Variants in PTPRU observed in about 807,000 individuals in gnomAD.
PTPRU encodes receptor-type tyrosine-protein phosphatase U.
PTPRU carries 69 observed loss-of-function variants against 166.3 expected under a neutral mutation model. That is an observed-to-expected ratio of 0.41 (90% CI 0.34 to 0.51). The LOEUF (loss-of-function observed/expected upper bound fraction) is 0.51, where lower values mean the gene tolerates loss of function less well. PTPRU is among the 20% of genes least tolerant of loss of function. The pLI is 0.09. For synonymous variants in PTPRU, 793 were observed against 814.0 expected, an observed-to-expected ratio of 0.97 and a Z score of 0.44; for missense variants, 1,657 against 2,013.7, an observed-to-expected ratio of 0.82 and a Z score of 3.39.
intron 11 of PTPRU, 73 bp from the exon 12 acceptor site, chr1:29,282,603 C>T: frequency 6.6e-7 from 1 of 1,519,808 alleles, no homozygotes; most frequent in Non-Finnish European, 8.8e-7. Flanking sequence ...AAAGCCCATG[C>T]CTTTAACTGC....
At chr1:29,304,935 G>T in intron 17 of PTPRU, 86 bp downstream of exon 17, 1 of 1,309,168 alleles carries the variant, frequency 7.6e-7, no homozygotes, top group Non-Finnish European at 1.1e-6. Flanking sequence ...AGCTGGGGCA[G>T]CCTCAGAGAT....
chr1:29,321,250 G>A (rs895388056), intron 26 of PTPRU, among the ~76,000 whole-genome samples: 7 of 144,960 alleles, frequency 4.8e-5, no homozygotes, highest in Non-Finnish European at 6.0e-5. Flanking sequence ...TGTGTTGCCT[G>A]GACTGGTCTC....
At chr1:29,324,001 A>G (rs1202537654) in intron 28 of PTPRU, among the ~76,000 whole-genome samples, 1 of 152,216 alleles carries the variant, frequency 6.6e-6, no homozygotes, top group Non-Finnish European at 1.5e-5. Flanking sequence ...AGCCCTGAAC[A>G]ACTGCCCAGT....
chr1:29,275,684 G>T lies in PTPRU; in HGVS notation c.1381G>T (p.Val461Leu), dbSNP rs759884380. 1 of 1,614,176 alleles carries T rather than the reference G, an allele frequency of 6.2e-7. No homozygotes were observed. The highest frequency in any genetic ancestry group is 8.5e-7 in the Non-Finnish European group (1 of 1,180,034). The change falls in exon 8 of 30, where the codon GTG becomes TTG. Residue 461 changes from valine to leucine, a missense_variant. Around this residue, in one of 3 missense-constraint regions of PTPRU, gnomAD observed 1,190 missense variants for 1,477.4 expected, o/e 0.81. Coordinates refer to ENST00000373779, the MANE Select transcript of PTPRU (RefSeq NM_133178.4). The stretch of plus-strand genomic sequence containing the variant: ...CCTGCTGCCCTATCGGAACGTTCAC[G>T]TGAGGCTTGTCCTCACTAACCCTGA... ...KNLLPYRNVH[V>L]RLVLTNPEGR...
rs1055953111 is a variant in PTPRU, at chr1:29,251,256, G to GA, written c.74-4007dup. 3.5e-3 allele frequency among the ~76,000 whole-genome samples: 488 copies of GA among 138,626 alleles called. 2 individuals carry two copies. Among genetic ancestry groups the GA allele is most frequent in the African/African-American group, 0.011 (412 of 37,854 alleles). The allele number at this position is 138,626 out of a possible 152,430, so 90.9% of individuals were successfully genotyped here. A position where few individuals can be genotyped will look rare whatever the true frequency, so the allele number is the denominator to read the frequency against. ...AACAGAATGAGACTCTATCTCAAAA[G>GA]AAAAAAAAAAAAGGAATCACTCTGG... On this transcript the variant is annotated intron_variant, in intron 1 of 29. Transcript: ENST00000373779.
chr1:29,318,493 T>A (rs985383836), intron 25 of PTPRU, among the ~76,000 whole-genome samples: 1 of 152,224 alleles, frequency 6.6e-6, no homozygotes, highest in African/African-American at 2.4e-5. Flanking sequence ...CCCTGCTAAA[T>A]GGCTCCAAGA....
chr1:29,253,617 T>TA (rs1044239702), intron 1 of PTPRU, among the ~76,000 whole-genome samples: 4 of 151,858 alleles, frequency 2.6e-5, no homozygotes, highest in Non-Finnish European at 1.5e-5. Flanking sequence ...GCCATTACTT[T>TA]AAAAAAATGG....
At chr1:29,299,378 T>A (rs1412368247) in intron 15 of PTPRU, among the ~76,000 whole-genome samples, 2 of 151,944 alleles carry the variant, frequency 1.3e-5, no homozygotes, top group African/African-American at 4.8e-5. Flanking sequence ...TGGGGTGGGG[T>A]AGGAAGTGTG....
chr1:29,323,878 C>T, intron 28 of PTPRU, 90 bp downstream of exon 28: 1 of 1,442,084 alleles, frequency 6.9e-7, no homozygotes, highest in Non-Finnish European at 9.3e-7. Flanking sequence ...TTTGGCTGGA[C>T]TGCAAAGCTG....
intron 13 of PTPRU, 89 bp downstream of exon 13, chr1:29,284,065 T>C: frequency 6.5e-7 from 1 of 1,530,564 alleles, no homozygotes; most frequent in Non-Finnish European, 9.0e-7. Context: ...CCTACGGCTG[T>C]GGGAGTAGAG....
chr1:29,311,474 T>C lies in PTPRU; in HGVS notation c.2876T>C (p.Val959Ala). The change falls in exon 20 of 30, where the codon GTC (valine) becomes GCC (alanine). Residue 959 changes from valine to alanine, a missense_variant. Val to Ala is a moderately conservative substitution (Grantham distance 64, BLOSUM62 0). Around this residue, in one of 3 missense-constraint regions of PTPRU, gnomAD observed 1,190 missense variants for 1,477.4 expected, o/e 0.81. Coordinates refer to ENST00000373779, the MANE Select transcript of PTPRU (RefSeq NM_133178.4). The surrounding 1 kb of genome is among the most constrained non-coding windows in gnomAD (Gnocchi z 4.1). The part of the protein sequence containing the change: ...IATQGPKPEM[V>A]YDFWRMVWQE... The stretch of plus-strand genomic sequence containing the variant: ...TCCCCAGGGCCGAAGCCTGAGATGG[T>C]CTATGACTTCTGGCGTATGGTGTGG... The C allele has an allele frequency of 6.2e-7, 1 of 1,614,120 alleles. No individual in the cohort carries two copies. Among genetic ancestry groups the C allele is most frequent in the Admixed American group, 1.7e-5 (1 of 60,026 alleles).
chr1:29,283,297 T>A (rs2151954224), intron 12 of PTPRU, among the ~76,000 whole-genome samples: 1 of 129,436 alleles, frequency 7.7e-6, no homozygotes, highest in African/African-American at 3.0e-5. Flanking sequence ...CCTCCCAGAG[T>A]CCGTCCCATA....
intron 1 of PTPRU, among the ~76,000 whole-genome samples, chr1:29,247,932 G>T (rs1684372359): frequency 6.6e-6 from 1 of 152,216 alleles, no homozygotes; most frequent in South Asian, 2.1e-4. Flanking sequence ...TTGCAGCTAT[G>T]GTGACTCCTG....
chr1:29,270,524 G>A, intron 7 of PTPRU, among the ~76,000 whole-genome samples: 1 of 152,048 alleles, frequency 6.6e-6, no homozygotes, highest in Non-Finnish European at 1.5e-5. Context: ...GCCCATGAAG[G>A]TCTCGAACCC....
At chr1:29,256,525 G>T (rs1354800001) in intron 2 of PTPRU, among the ~76,000 whole-genome samples, 1 of 152,198 alleles carries the variant, frequency 6.6e-6, no homozygotes, top group East Asian at 1.9e-4. Context: ...AGGACTTGAA[G>T]CCACTAGGAG....
chr1:29,242,041 G>T (rs1007155369), intron 1 of PTPRU, among the ~76,000 whole-genome samples: 4 of 151,772 alleles, frequency 2.6e-5, no homozygotes, highest in Non-Finnish European at 5.9e-5. Context: ...ACAGGCACCC[G>T]CCACCATGCC....
At chr1:29,288,017 G>A (rs1454047819) in intron 14 of PTPRU, among the ~76,000 whole-genome samples, 2 of 152,140 alleles carry the variant, frequency 1.3e-5, no homozygotes, top group African/African-American at 4.8e-5. Flanking sequence ...GCATCATCAT[G>A]TTGGCCAGGC....
chr1:29,280,526 GA>G lies in PTPRU; in HGVS notation c.1868+386del, dbSNP rs750444014. 3.9e-5 allele frequency among the ~76,000 whole-genome samples: 6 copies of G among 152,212 alleles called. No homozygotes were observed. Among genetic ancestry groups the G allele is most frequent in the Non-Finnish European group, 5.9e-5 (4 of 68,022 alleles). ...TCTAGAAGGCTGGGGCAGCCAGCCA[GA>G]TAGGGCCATCTCTCTGGAATGGCTA... On this transcript the variant is annotated intron_variant, in intron 11 of 29. Coordinates refer to ENST00000373779, the MANE Select transcript of PTPRU (RefSeq NM_133178.4). This position sits in a 1 kb window ranked among gnomAD's most constrained non-coding sequence, Gnocchi z 4.2.
chr1:29,275,714 C>T lies in PTPRU; in HGVS notation c.1411C>T (p.Arg471Cys), dbSNP rs1054752703. The change falls in exon 8 of 30, where the codon CGC (arginine) becomes TGC (cysteine). Residue 471 changes from arginine to cysteine, a missense_variant. Around this residue, in one of 3 missense-constraint regions of PTPRU, gnomAD observed 1,190 missense variants for 1,477.4 expected, o/e 0.81. Coordinates refer to ENST00000373779, the MANE Select transcript of PTPRU (RefSeq NM_133178.4). ...VRLVLTNPEG[R>C]KEGKEVTFQT... ...GCTTGTCCTCACTAACCCTGAGGGG[C>T]GCAAAGAGGGCAAGGAGGTCACTTT... 1.9e-5 allele frequency: 30 copies of T among 1,614,158 alleles called. No homozygotes were observed. Among genetic ancestry groups the T allele is most frequent in the South Asian group, 1.2e-4 (11 of 91,074 alleles).
Sources: gnomAD v4.1 joint callset for allele counts (sites outside exome capture counted in the v4.1 genomes callset) on GRCh38, gnomAD v4.1.1 for gene constraint, gnomAD v4.1.1 regional missense constraint, Gnocchi (gnomAD v3.1) non-coding constraint, MANE v1.5 for transcripts, NCBI Gene and HGNC (gene_info 2026-07-23, HGNC 2026-07-21) for gene names.